Variants in NAALADL2 observed in about 807,000 individuals in gnomAD.
NAALADL2 encodes the protein N-acetylated alpha-linked acidic dipeptidase like 2.
Under a neutral mutation model 87.2 loss-of-function variants are expected in NAALADL2, and 76 were observed. The ratio of observed to expected loss-of-function variants is 0.87; its 90% CI spans 0.72 to 1.05. The LOEUF (loss-of-function observed/expected upper bound fraction) is 1.05, where lower values mean the gene tolerates loss of function less well. Among genes scored for constraint, NAALADL2 ranks in the 50% least tolerant of loss-of-function variants. NAALADL2 has a pLI of 0.00. For missense variants in NAALADL2, 1,089 were observed against 945.8 expected, an observed-to-expected ratio of 1.15 and a Z score of -1.99; for synonymous variants, 354 against 331.0, an observed-to-expected ratio of 1.07 and a Z score of -0.75.
chr3:174,942,378 G>A (rs773421711), intron 1 of NAALADL2, among the ~76,000 whole-genome samples: 1 of 152,068 alleles, frequency 6.6e-6, no homozygotes, highest in Non-Finnish European at 1.5e-5. Flanking sequence ...CTTTTTGCTT[G>A]TAGAGTCTCA....
At chr3:174,743,495 T>A (rs1338355179) in intron 3 of NAALADL2, among the ~76,000 whole-genome samples, 4 of 151,780 alleles carry the variant, frequency 2.6e-5, no homozygotes, top group Admixed American at 6.6e-5. Flanking sequence ...CTGGTAACAG[T>A]TTTGCAGTTT....
intron 9 of NAALADL2, among the ~76,000 whole-genome samples, chr3:175,574,862 T>C (rs1283054140): frequency 6.6e-6 from 1 of 152,162 alleles, no homozygotes; most frequent in African/African-American, 2.4e-5. Context: ...ATGGATTGAG[T>C]ACATACTTTA....
chr3:174,832,975 CTA>C (rs1222723919), intron 3 of NAALADL2, among the ~76,000 whole-genome samples: 1 of 152,166 alleles, frequency 6.6e-6, no homozygotes, highest in Admixed American at 6.5e-5. Flanking sequence ...ACAGCTATGA[CTA>C]TGTTTCTACA....
rs529494443 is a variant in NAALADL2 at position 175,769,533 on chromosome 3, T to G, written c.2189+14115T>G. Among the ~76,000 whole-genome samples the G allele has an allele frequency of 5.9e-5, 9 of 152,344 alleles. No homozygotes were observed. In the East Asian group the frequency reaches 1.7e-3, roughly 29 times the overall value. On this transcript the variant is annotated intron_variant, in intron 13 of 13. Transcript: ENST00000454872. ...GGTAGATTGTAACATACTTTTTATC[T>G]ATTTATGTATAATCTATCATCATGT...
chr3:175,079,393 A>G (rs1355319502), intron 1 of NAALADL2: 1 of 152,098 alleles, frequency 6.6e-6, no homozygotes, highest in East Asian at 1.9e-4. Context: ...CACTTTCTTG[A>G]TTATGTTCTC....
intron 1 of NAALADL2, among the ~76,000 whole-genome samples, chr3:174,491,411 A>T (rs925349849): frequency 2.0e-5 from 3 of 152,024 alleles, no homozygotes; most frequent in Non-Finnish European, 2.9e-5. Context: ...TTACATAGTT[A>T]TTTTTTTAAA....
At chr3:174,713,159 T>G (rs1672881962) in intron 2 of NAALADL2, among the ~76,000 whole-genome samples, 2 of 152,350 alleles carry the variant, frequency 1.3e-5, no homozygotes, top group South Asian at 4.1e-4. Context: ...CTGCATAGTA[T>G]TCCATGGTGT....
intron 2 of NAALADL2, among the ~76,000 whole-genome samples, chr3:174,609,979 G>C (rs1002957219): frequency 1.3e-4 from 20 of 152,134 alleles, no homozygotes; most frequent in African/African-American, 4.8e-4. Flanking sequence ...TAGATCAATG[G>C]AACAGAACAG....
intron 11 of NAALADL2, among the ~76,000 whole-genome samples, chr3:175,714,138 C>G (rs77812614): frequency 0.19 from 29,371 of 152,058 alleles, 2,973 homozygotes; most frequent in Non-Finnish European, 0.21. Flanking sequence ...TATTGATGGG[C>G]ATTTGAGTTG....
chr3:175,681,235 G>A (rs577599762), intron 11 of NAALADL2, among the ~76,000 whole-genome samples: 150 of 152,054 alleles, frequency 9.9e-4, no homozygotes, highest in Non-Finnish European at 1.6e-3. Flanking sequence ...ATAGAATCAA[G>A]AAGTGGTTAT....
At chr3:175,396,999 T>C (rs1309565240) in intron 5 of NAALADL2, among the ~76,000 whole-genome samples, 1 of 152,076 alleles carries the variant, frequency 6.6e-6, no homozygotes, top group Non-Finnish European at 1.5e-5. Flanking sequence ...ACGAATACAC[T>C]TGCTTACTGA....
At chr3:174,808,493 C>T (rs1719764758) in intron 3 of NAALADL2, among the ~76,000 whole-genome samples, 1 of 152,078 alleles carries the variant, frequency 6.6e-6, no homozygotes, top group African/African-American at 2.4e-5. Flanking sequence ...CTAGATATAG[C>T]ATTGAATATA....
chr3:174,707,903 A>T (rs1730252541), intron 2 of NAALADL2, among the ~76,000 whole-genome samples: 1 of 152,182 alleles, frequency 6.6e-6, no homozygotes. Flanking sequence ...GTAAGGGAAT[A>T]TGAAAAAGTA....
At chr3:175,502,395 A>G (rs1329867705) in intron 9 of NAALADL2, among the ~76,000 whole-genome samples, 1 of 152,164 alleles carries the variant, frequency 6.6e-6, no homozygotes, top group East Asian at 1.9e-4. Context: ...TGACACTGCA[A>G]CAAATGAGGC....
intron 11 of NAALADL2, among the ~76,000 whole-genome samples, chr3:175,651,484 C>G (rs1016910708): frequency 2.6e-5 from 4 of 152,116 alleles, no homozygotes; most frequent in African/African-American, 7.2e-5. Context: ...GTTCTTATCA[C>G]AGCTAATCCA....
At chr3:174,810,647 G>A (rs986140736) in intron 3 of NAALADL2, among the ~76,000 whole-genome samples, 3 of 151,306 alleles carry the variant, frequency 2.0e-5, no homozygotes, top group Admixed American at 6.6e-5. Context: ...TAAAAGGGAA[G>A]CAGAGCATAA....
chr3:175,387,842 C>G (rs116409724), intron 5 of NAALADL2, among the ~76,000 whole-genome samples: 2,755 of 152,106 alleles, frequency 0.018, 89 homozygotes, highest in African/African-American at 0.064. Flanking sequence ...ATTCCAAACA[C>G]TACAACTAAT....
In NAALADL2 at chr3:175,019,638, C is replaced by T. The variant is rs79074423; in HGVS notation, c.44-77152C>T. On this transcript the variant is annotated intron_variant, in intron 1 of 13. Coordinates refer to ENST00000454872, the MANE Select transcript of NAALADL2 (RefSeq NM_207015.3). Reference sequence around the variant, plus strand: ...GTTTACCAGTGATCTAATTTCACTTCGTTGACCATTTTCAGCTTCTTTCCT... The same window carrying T: ...GTTTACCAGTGATCTAATTTCACTTTGTTGACCATTTTCAGCTTCTTTCCT... Among the ~76,000 whole-genome samples, 660 of 152,038 alleles carry T rather than the reference C, an allele frequency of 4.3e-3. 4 individuals carry two copies. The highest frequency in any genetic ancestry group is 0.015 in the African/African-American group (625 of 41,490).
At chr3:175,424,333 T>G (rs1053308474) in intron 5 of NAALADL2, among the ~76,000 whole-genome samples, 13 of 152,156 alleles carry the variant, frequency 8.5e-5, no homozygotes, top group Non-Finnish European at 1.6e-4. Flanking sequence ...AGTCCTTGCC[T>G]GTGCCTATGT....
Sources: allele counts gnomAD v4.1 joint callset (sites outside exome capture counted in the v4.1 genomes callset), GRCh38; gene constraint gnomAD v4.1.1; transcripts MANE v1.5; gene names NCBI Gene and HGNC (gene_info 2026-07-23, HGNC 2026-07-21).